Variants in DPP6 observed in about 807,000 individuals in gnomAD.
DPP6 encodes the protein dipeptidyl peptidase like 6.
A neutral mutation model predicts 122.6 loss-of-function variants in DPP6; 69 were observed. That is an observed-to-expected ratio of 0.56 (90% confidence interval 0.46 to 0.69). DPP6 has a LOEUF of 0.69. DPP6 is among the 30% of genes least tolerant of loss of function. The pLI is 0.00. For missense variants in DPP6, 928 were observed against 1,116.9 expected (o/e 0.83, Z 2.41); for synonymous variants, 418 against 433.1 (o/e 0.97, Z 0.43).
At chr7:154,201,242 C>T (rs1210978029) in intron 1 of DPP6, among the ~76,000 whole-genome samples, 1 of 152,102 alleles carries the variant, frequency 6.6e-6, no homozygotes, top group Admixed American at 6.5e-5. Flanking sequence ...ATTTTCCTGC[C>T]TCAGCCTGCC....
intron 3 of DPP6, among the ~76,000 whole-genome samples, chr7:154,485,323 T>C (rs904782259): frequency 6.6e-6 from 1 of 152,152 alleles, no homozygotes; most frequent in Admixed American, 6.5e-5. Flanking sequence ...ATAAACAAAA[T>C]GTAATTATGG....
intron 3 of DPP6, among the ~76,000 whole-genome samples, chr7:154,527,668 A>T (rs142621423): frequency 4.6e-5 from 7 of 152,278 alleles, no homozygotes; most frequent in African/African-American, 1.4e-4. Flanking sequence ...ATCTATTACT[A>T]TGTAGGGATT....
chr7:154,152,691 A>T (rs1351286751), intron 1 of DPP6, among the ~76,000 whole-genome samples: 1 of 152,184 alleles, frequency 6.6e-6, no homozygotes, highest in East Asian at 1.9e-4. Context: ...ATTTGTGATC[A>T]TATAGCTCAG....
chr7:154,857,908 C>T (rs1802976599), intron 17 of DPP6, among the ~76,000 whole-genome samples: 1 of 152,216 alleles, frequency 6.6e-6, no homozygotes, highest in African/African-American at 2.4e-5. Context: ...TGAAGACTTC[C>T]AGGAGCAACA....
At chr7:154,337,714 G>A (rs1398043431) in intron 1 of DPP6, among the ~76,000 whole-genome samples, 3 of 152,336 alleles carry the variant, frequency 2.0e-5, no homozygotes, top group African/African-American at 7.2e-5. Flanking sequence ...CAGAACGCAA[G>A]GGATAAAAGA....
At chr7:154,167,418 T>C (rs919417802) in intron 1 of DPP6, among the ~76,000 whole-genome samples, 1 of 152,220 alleles carries the variant, frequency 6.6e-6, no homozygotes, top group Admixed American at 6.5e-5. Context: ...AGCAAAGCCA[T>C]GTTCAGAATA....
chr7:154,443,258 A>G (rs1231266543), intron 1 of DPP6, among the ~76,000 whole-genome samples: 2 of 152,172 alleles, frequency 1.3e-5, no homozygotes, highest in Non-Finnish European at 2.9e-5. Flanking sequence ...AACAGCTCCC[A>G]GAGCTCCATT....
chr7:154,395,707 CT>C (rs890360411), intron 1 of DPP6, among the ~76,000 whole-genome samples: 7 of 151,738 alleles, frequency 4.6e-5, no homozygotes, highest in South Asian at 2.1e-4. Context: ...GATCATTTTA[CT>C]TTTTTTTCTG....
chr7:154,782,108 G>C (rs1797063697), intron 10 of DPP6, among the ~76,000 whole-genome samples: 1 of 152,190 alleles, frequency 6.6e-6, no homozygotes, highest in Admixed American at 6.5e-5. Flanking sequence ...CTGTGCTGAA[G>C]TTAGTGGCTT....
chr7:154,341,640 A>G (rs1228787305), intron 1 of DPP6, among the ~76,000 whole-genome samples: 1 of 151,738 alleles, frequency 6.6e-6, no homozygotes, highest in Non-Finnish European at 1.5e-5. Context: ...AATATGTAAT[A>G]ATAATCCTAT....
intron 3 of DPP6, among the ~76,000 whole-genome samples, chr7:154,536,821 C>T (rs961363516): frequency 2.0e-5 from 3 of 152,166 alleles, no homozygotes; most frequent in African/African-American, 7.2e-5. Context: ...GATCACATCA[C>T]ATCTTATAGA....
intron 1 of DPP6, among the ~76,000 whole-genome samples, chr7:154,279,005 G>A (rs1804325991): frequency 6.6e-6 from 1 of 151,470 alleles, no homozygotes; most frequent in South Asian, 2.1e-4. Flanking sequence ...TGTGTTTGGG[G>A]GATACCTGTG....
chr7:154,638,610 C>T (rs1226260626), intron 6 of DPP6, among the ~76,000 whole-genome samples: 1 of 151,680 alleles, frequency 6.6e-6, no homozygotes, highest in Non-Finnish European at 1.5e-5. Flanking sequence ...GTTTAGTTTT[C>T]AGTGCTGGGC....
chr7:153,971,378 C>A (rs1214256012), intron 1 of DPP6, among the ~76,000 whole-genome samples: 2 of 151,098 alleles, frequency 1.3e-5, no homozygotes, highest in African/African-American at 4.9e-5. Flanking sequence ...GCAAATCAAG[C>A]CAGTTTTACT....
At chr7:154,139,501 C>T (rs1312749036) in intron 1 of DPP6, among the ~76,000 whole-genome samples, 1 of 150,844 alleles carries the variant, frequency 6.6e-6, no homozygotes, top group African/African-American at 2.5e-5. Context: ...CTGGAAACAT[C>T]CTCATAGACA....
Position 154,341,654 on chromosome 7 carries a change from T to C in DPP6, c.244-104560T>C, listed in dbSNP as rs201592584. Among the ~76,000 whole-genome samples, 5 of 151,978 alleles carry C rather than the reference T, an allele frequency of 3.3e-5. No homozygotes were observed. In the East Asian group the frequency reaches 9.7e-4, roughly 30 times the overall value. Reference sequence around the variant, plus strand: ...TAATATGTAATAATAATCCTATTATTCAATTTCTTGTCCCTTCTGTTTAGT... The same window carrying C: ...TAATATGTAATAATAATCCTATTATCCAATTTCTTGTCCCTTCTGTTTAGT... On this transcript the variant is annotated intron_variant, in intron 1 of 25. Transcript: ENST00000377770.
At chr7:154,726,396 C>T (rs1842067292) in intron 7 of DPP6, among the ~76,000 whole-genome samples, 1 of 152,242 alleles carries the variant, frequency 6.6e-6, no homozygotes, top group South Asian at 2.1e-4. Flanking sequence ...TCACACTCTG[C>T]ACACCCACAG....
the DPP6 span, among the ~76,000 whole-genome samples, chr7:153,830,754 TAAG>T: frequency 6.6e-6 from 1 of 152,224 alleles, no homozygotes; most frequent in Non-Finnish European, 1.5e-5. Context: ...TCTTATGACT[TAAG>T]AAACAGAATC....
intron 7 of DPP6, among the ~76,000 whole-genome samples, chr7:154,686,186 G>A (rs771666278): frequency 1.3e-5 from 2 of 152,104 alleles, no homozygotes; most frequent in Non-Finnish European, 2.9e-5. Flanking sequence ...AATTTTCCCC[G>A]GGTCACATAT....
Sources: gnomAD v4.1 joint callset for allele counts (sites outside exome capture counted in the v4.1 genomes callset) on GRCh38, gnomAD v4.1.1 for gene constraint, MANE v1.5 for transcripts, NCBI Gene and HGNC (gene_info 2026-07-23, HGNC 2026-07-21) for gene names.